Variants in KCNT2 observed in about 807,000 individuals in gnomAD.
KCNT2 encodes the protein potassium sodium-activated channel subfamily T member 2.
In KCNT2, 67 loss-of-function variants were observed where a neutral mutation model predicts 153.8. The ratio of observed to expected loss-of-function variants is 0.44; its 90% CI spans 0.36 to 0.53. KCNT2 has a LOEUF of 0.53. Among genes scored for constraint, KCNT2 ranks in the 20% least tolerant of loss-of-function variants. The probability of loss-of-function intolerance (pLI) is 0.00; values close to 1 mark genes in which losing one functional copy is unlikely to be tolerated. For synonymous variants in KCNT2, 500 were observed against 458.8 expected (o/e 1.09, Z -1.15); for missense variants, 975 against 1,354.8 (o/e 0.72, Z 4.40).
chr1:196,310,913 T>C (rs1662114231), intron 21 of KCNT2, among the ~76,000 whole-genome samples: 1 of 151,842 alleles, frequency 6.6e-6, no homozygotes, highest in Non-Finnish European at 1.5e-5. Context: ...TAAATTCCAT[T>C]TCAGCCTCCT....
At chr1:196,504,519 A>G (rs911779703) in intron 1 of KCNT2, among the ~76,000 whole-genome samples, 1 of 151,940 alleles carries the variant, frequency 6.6e-6, no homozygotes, top group Admixed American at 6.6e-5. Context: ...AGTCTTTGCT[A>G]TTGTGAATAG....
At chr1:196,524,010 A>G (rs1653844525) in intron 1 of KCNT2, among the ~76,000 whole-genome samples, 1 of 152,062 alleles carries the variant, frequency 6.6e-6, no homozygotes, top group Admixed American at 6.5e-5. Context: ...CAAAGACTCT[A>G]TGATTATCAA....
intron 12 of KCNT2, among the ~76,000 whole-genome samples, chr1:196,421,009 A>G (rs1387898267): frequency 6.6e-6 from 1 of 152,084 alleles, no homozygotes; most frequent in African/African-American, 2.4e-5. Context: ...ATTCAGAGAC[A>G]TCTGGTACCT....
At chr1:196,265,641 G>A (rs766044084) in intron 25 of KCNT2, among the ~76,000 whole-genome samples, 2 of 152,122 alleles carry the variant, frequency 1.3e-5, no homozygotes, top group Non-Finnish European at 2.9e-5. Context: ...TCCATTGGGT[G>A]GTTGCTTGTA....
intron 12 of KCNT2, among the ~76,000 whole-genome samples, chr1:196,418,105 T>A (rs957011668): frequency 6.6e-6 from 1 of 152,082 alleles, no homozygotes; most frequent in Admixed American, 6.6e-5. Context: ...GTTCTAATTG[T>A]CTCTTTTGAC....
intron 24 of KCNT2, 123 bp from the exon 25 acceptor site, chr1:196,281,111 A>G (rs1242086296): frequency 2.8e-6 from 2 of 712,136 alleles, no homozygotes; most frequent in Non-Finnish European, 4.7e-6. Flanking sequence ...CACCCAGGCT[A>G]CAGTGCAACG....
chr1:196,296,499 T>G lies in KCNT2; in HGVS notation c.2595+8735A>C, dbSNP rs950570205. On this transcript the variant is annotated intron_variant, in intron 22 of 27. Transcript: ENST00000294725. ...GACTTTAAATACAAATGATACAAAT[T>G]CTACATCTTGTGGAGAAATTTATGC... 2.6e-5 allele frequency among the ~76,000 whole-genome samples: 4 copies of G among 152,138 alleles called. No homozygotes were observed. The East Asian group carries it at 7.7e-4, about 29-fold the overall frequency.
Position 196,420,284 on chromosome 1 carries a change from T to C in KCNT2, c.1185+2766A>G, listed in dbSNP as rs529137368. ...CATATTCTCATGTTACTAGGAATAT[T>C]TATTAAATATATACTTTAAGATTGA... On this transcript the variant is annotated intron_variant, in intron 12 of 27. Transcript: ENST00000294725. 1.8e-3 allele frequency among the ~76,000 whole-genome samples: 273 copies of C among 152,100 alleles called. 1 individual carries two copies. Among genetic ancestry groups the C allele is most frequent in the Non-Finnish European group, 3.3e-3 (225 of 67,982 alleles).
At chr1:196,565,486 T>C (rs1481927732) in intron 1 of KCNT2, among the ~76,000 whole-genome samples, 1 of 151,682 alleles carries the variant, frequency 6.6e-6, no homozygotes, top group African/African-American at 2.4e-5. Context: ...CCTGCACTAC[T>C]ATGTTCATGT....
At chr1:196,274,085 T>C (rs949290676) in intron 25 of KCNT2, among the ~76,000 whole-genome samples, 3 of 151,620 alleles carry the variant, frequency 2.0e-5, no homozygotes, top group Non-Finnish European at 4.4e-5. Context: ...TGATTTTTTC[T>C]CCTACATACA....
intron 1 of KCNT2, among the ~76,000 whole-genome samples, chr1:196,510,220 A>C (rs1681495080): frequency 1.3e-5 from 2 of 152,182 alleles, no homozygotes; most frequent in African/African-American, 4.8e-5. Flanking sequence ...CTTGAATAGA[A>C]GCTAAGAAAT....
chr1:196,460,109 A>C (rs1424334083), intron 8 of KCNT2, among the ~76,000 whole-genome samples: 2 of 151,862 alleles, frequency 1.3e-5, no homozygotes, highest in Non-Finnish European at 2.9e-5. Flanking sequence ...TCAAGGCATA[A>C]ATTTGGGGGT....
chr1:196,326,559 T>A (rs1490456070), intron 19 of KCNT2, among the ~76,000 whole-genome samples, 158 bp downstream of exon 19: 1 of 152,130 alleles, frequency 6.6e-6, no homozygotes, highest in Non-Finnish European at 1.5e-5. Context: ...AATGATATAT[T>A]TTGTATCACA....
chr1:196,344,495 A>G (rs944785965), intron 14 of KCNT2, among the ~76,000 whole-genome samples: 4 of 152,160 alleles, frequency 2.6e-5, no homozygotes, highest in Admixed American at 2.0e-4. Context: ...GCAAACAAAA[A>G]TAAAGTTATT....
intron 13 of KCNT2, among the ~76,000 whole-genome samples, chr1:196,379,569 CT>C (rs1669293109): frequency 5.3e-5 from 2 of 37,852 alleles, no homozygotes; most frequent in Admixed American, 5.3e-4. Flanking sequence ...GAGACTTTCT[CT>C]CTCTCTCTCT....
At chr1:196,338,517 A>G (rs185461333) in intron 16 of KCNT2, among the ~76,000 whole-genome samples, 1 of 152,264 alleles carries the variant, frequency 6.6e-6, no homozygotes, top group African/African-American at 2.4e-5. Flanking sequence ...TAAGAAAACT[A>G]GGATTGCCTA....
At chr1:196,519,473 A>G (rs949221579) in intron 1 of KCNT2, among the ~76,000 whole-genome samples, 1 of 152,190 alleles carries the variant, frequency 6.6e-6, no homozygotes, top group East Asian at 1.9e-4. Flanking sequence ...GATTGAGACA[A>G]GAAAAACAAA....
chr1:196,247,861 G>T (rs1391168735), intron 26 of KCNT2, among the ~76,000 whole-genome samples: 1 of 152,124 alleles, frequency 6.6e-6, no homozygotes, highest in Non-Finnish European at 1.5e-5. Flanking sequence ...CTTCTCCTTA[G>T]TATATGGATC....
chr1:196,295,362 G>C (rs1298583788), intron 22 of KCNT2, among the ~76,000 whole-genome samples: 1 of 151,724 alleles, frequency 6.6e-6, no homozygotes, highest in Non-Finnish European at 1.5e-5. Flanking sequence ...GGTAAGTTCT[G>C]TATGACTTAT....
Sources: allele counts gnomAD v4.1 joint callset (sites outside exome capture counted in the v4.1 genomes callset), GRCh38; gene constraint gnomAD v4.1.1; transcripts MANE v1.5; gene names NCBI Gene and HGNC (gene_info 2026-07-23, HGNC 2026-07-21).